The following PHC3 variants were observed in gnomAD, a reference collection of about 807,000 sequenced individuals.
The protein encoded by PHC3 is polyhomeotic homolog 3, also known as polyhomeotic-like protein 3.
PHC3 carries 13 observed loss-of-function variants against 107.4 expected under a neutral mutation model. That is an observed-to-expected ratio of 0.12 (90% CI 0.08 to 0.19). PHC3 has a LOEUF of 0.19. Among genes scored for constraint, PHC3 ranks in the 10% least tolerant of loss-of-function variants. The probability of loss-of-function intolerance (pLI) is 1.00; values close to 1 mark genes in which losing one functional copy is unlikely to be tolerated. For synonymous variants in PHC3, 456 were observed against 427.4 expected (o/e 1.07, Z -0.83); for missense variants, 992 against 1,210.9 (o/e 0.82, Z 2.68).
chr3:170,174,154 C>G (rs1244077093), intron 2 of PHC3, among the ~76,000 whole-genome samples: 1 of 151,800 alleles, frequency 6.6e-6, no homozygotes, highest in Non-Finnish European at 1.5e-5. Context: ...GATCATGCCA[C>G]TGCACTCCAG....
intron 3 of PHC3, among the ~76,000 whole-genome samples, 183 bp downstream of exon 3, chr3:170,172,374 T>TA (rs77226051): frequency 0.31 from 46,578 of 151,962 alleles, 7,198 homozygotes; most frequent in East Asian, 0.49. Flanking sequence ...CAGAGTAACA[T>TA]AAAAAAACAT....
At chr3:170,110,299 T>C (rs76429655) in intron 11 of PHC3, among the ~76,000 whole-genome samples, 1,859 of 152,240 alleles carry the variant, frequency 0.012, 40 homozygotes, top group African/African-American at 0.042. Context: ...GCTTGTCTAA[T>C]ATCCAAGGTT....
At chr3:170,122,222 C>T (rs2108417811) in intron 9 of PHC3, among the ~76,000 whole-genome samples, 1 of 152,312 alleles carries the variant, frequency 6.6e-6, no homozygotes, top group East Asian at 1.9e-4. Context: ...ATGACAGAGA[C>T]TGACCCTGTC....
At position 170,093,135 on chromosome 3, in the gene PHC3, A is replaced by T. The variant is rs890865759; in HGVS notation, c.*4095T>A. ...GAGATTGAGCAATCATTTTGCATAG[A>T]TGCGCCAGTTTCCACTGCCCAAAGG... is the stretch of plus-strand genomic sequence containing the variant. On this transcript the variant is annotated 3_prime_UTR_variant, in exon 15 of 15. Transcript: ENST00000495893. 6.6e-6 allele frequency: 1 copy of T among 152,194 alleles called. No homozygotes were observed. The allele number at this position is 152,194 out of a possible 1,614,324, so 9.4% of individuals were successfully genotyped here. A position where few individuals can be genotyped will look rare whatever the true frequency, so the allele number is the denominator to read the frequency against.
chr3:170,179,242 T>C (rs1028444993), intron 1 of PHC3, among the ~76,000 whole-genome samples: 1 of 152,162 alleles, frequency 6.6e-6, no homozygotes, highest in African/African-American at 2.4e-5. Context: ...CCAAAACAGG[T>C]AATGAGAGAA....
rs573949770 is a variant in PHC3 at position 170,111,049 on chromosome 3, C to T, written c.2353+2311G>A. 3.9e-5 allele frequency among the ~76,000 whole-genome samples: 6 copies of T among 152,126 alleles called. No individual in the cohort carries two copies. The South Asian group carries it at 1.2e-3, about 32-fold the overall frequency. ...ATGAAATTCACAAAAACAAAAGGCACAATACAGACCTTATTTGGAACCTGA... is the reference window on the plus strand; with the variant it reads ...ATGAAATTCACAAAAACAAAAGGCATAATACAGACCTTATTTGGAACCTGA... On this transcript the variant is annotated intron_variant, in intron 11 of 14. Coordinates refer to ENST00000495893, the MANE Select transcript of PHC3 (RefSeq NM_024947.4).
intron 4 of PHC3, among the ~76,000 whole-genome samples, chr3:170,162,068 A>C (rs1307572386): frequency 6.6e-6 from 1 of 152,208 alleles, no homozygotes; most frequent in Non-Finnish European, 1.5e-5. Flanking sequence ...AATTTTACAG[A>C]AAATTGGCAG....
At chr3:170,137,937 C>T (rs889768213) in intron 6 of PHC3, among the ~76,000 whole-genome samples, 3 of 152,156 alleles carry the variant, frequency 2.0e-5, no homozygotes, top group African/African-American at 4.8e-5. Flanking sequence ...TGTGGTGCCT[C>T]GCACCTGTAA....
chr3:170,140,584 C>CTTTTTTTTTTTTT (rs57137783), intron 6 of PHC3, among the ~76,000 whole-genome samples: 13 of 69,612 alleles, frequency 1.9e-4, no homozygotes, highest in South Asian at 5.7e-4. Flanking sequence ...ATTTCTTTTT[C>CTTTTTTTTTTTTT]TTTTTTTTTT....
chr3:170,160,232 T>G (rs17826507), intron 4 of PHC3, among the ~76,000 whole-genome samples: 12,185 of 152,246 alleles, frequency 0.08, 647 homozygotes, highest in Non-Finnish European at 0.12. Context: ...AGGATCATGA[T>G]CTCACGGTGA....
chr3:170,128,757 T>C lies in PHC3; in HGVS notation c.1715A>G (p.Gln572Arg). ...AAEALVQLPF[Q>R]TLPPPQTVAV... ...AACAGTCTGTGGAGGAGGAAGAGTC[T>C]GAAATGGCAACTGGACCAAAGCTTC... The change falls in exon 8 of 15, where the codon CAG becomes CGG. Residue 572 changes from glutamine (Q) to arginine (R), a missense_variant. Gln to Arg is a conservative substitution (Grantham distance 43, BLOSUM62 1). Coordinates refer to ENST00000495893, the MANE Select transcript of PHC3 (RefSeq NM_024947.4). 1.9e-6 allele frequency: 3 copies of C among 1,614,042 alleles called. No homozygotes were observed. Among genetic ancestry groups the C allele is most frequent in the Non-Finnish European group, 2.5e-6 (3 of 1,179,888 alleles).
rs1416628691 is a variant in PHC3, at chr3:170,092,219, CGAACTCCT to C, written c.*5003_*5010del. ...TTCACCATATTGGTCAGGCTGGTCT[CGAACTCCT>C]GACCTCAGGTGATCTACCCACCTCA... On this transcript the variant is annotated 3_prime_UTR_variant, in exon 15 of 15. Transcript: ENST00000495893. The C allele has an allele frequency of 1.3e-5, 2 of 152,116 alleles. No homozygotes were observed. Among genetic ancestry groups the C allele is most frequent in the African/African-American group, 4.8e-5 (2 of 41,408 alleles). 9.4% of individuals were successfully genotyped at this position (152,116 alleles called of 1,614,324 possible).
intron 6 of PHC3, among the ~76,000 whole-genome samples, chr3:170,138,063 C>T (rs369053795): frequency 1.3e-5 from 2 of 152,040 alleles, no homozygotes; most frequent in Admixed American, 6.5e-5. Context: ...GGCATGGTGG[C>T]GCATGCCTGT....
intron 10 of PHC3, among the ~76,000 whole-genome samples, chr3:170,113,886 G>A (rs1400006119): frequency 1.3e-5 from 2 of 151,356 alleles, no homozygotes; most frequent in Non-Finnish European, 1.5e-5. Flanking sequence ...GTCCAACACT[G>A]AAAAACAAAG....
At chr3:170,159,490 A>C (rs188190174) in intron 4 of PHC3, among the ~76,000 whole-genome samples, 1,783 of 152,300 alleles carry the variant, frequency 0.012, 18 homozygotes, top group Non-Finnish European at 0.018. Flanking sequence ...AAAGGTAAAC[A>C]AGATAAAGGA....
At chr3:170,181,432 G>A (rs77198775) in intron 1 of PHC3, among the ~76,000 whole-genome samples, 1 of 152,130 alleles carries the variant, frequency 6.6e-6, no homozygotes. Flanking sequence ...CCAGCTCCCG[G>A]AGTCCCAAGG....
At chr3:170,178,289 G>A (rs535948453) in intron 2 of PHC3, among the ~76,000 whole-genome samples, 173 of 151,732 alleles carry the variant, frequency 1.1e-3, no homozygotes, top group African/African-American at 4.0e-3. Flanking sequence ...GACTACAGGC[G>A]CCCGCCACTG....
chr3:170,115,369 A>T (rs1367455624), intron 10 of PHC3, among the ~76,000 whole-genome samples: 2 of 152,132 alleles, frequency 1.3e-5, no homozygotes, highest in African/African-American at 4.8e-5. Flanking sequence ...TATCTATAAC[A>T]TATATACATT....
Position 170,149,342 on chromosome 3 carries a change from CTG to C in PHC3, c.415-100_415-99del, listed in dbSNP as rs1297452288. ...GCAGTTAGGCAATCAATGGTATAAACTGTGGCTAAGGAACCCAAAGGAGAAGC... is the reference window on the plus strand; with the variant it reads ...GCAGTTAGGCAATCAATGGTATAAACTGGCTAAGGAACCCAAAGGAGAAGC... On this transcript the variant is annotated intron_variant, in intron 4 of 14. Coordinates refer to ENST00000495893, the MANE Select transcript of PHC3 (RefSeq NM_024947.4). The C allele has an allele frequency of 3.2e-6, 4 of 1,239,084 alleles. No individual in the cohort carries two copies. In the African/African-American group the frequency reaches 6.0e-5, roughly 19 times the overall value. 76.8% of individuals were successfully genotyped at this position (1,239,084 alleles called of 1,614,324 possible).
Sources: gnomAD v4.1 joint callset for allele counts (sites outside exome capture counted in the v4.1 genomes callset) on GRCh38, gnomAD v4.1.1 for gene constraint, MANE v1.5 for transcripts, NCBI Gene and HGNC (gene_info 2026-07-23, HGNC 2026-07-21) for gene names.